The following PTCHD4 variants were observed in gnomAD, a reference collection of about 807,000 sequenced individuals.
PTCHD4 encodes patched domain-containing protein 4.
A neutral mutation model predicts 58.1 loss-of-function variants in PTCHD4; 33 were observed. The ratio of observed to expected loss-of-function variants is 0.57; its 90% CI spans 0.43 to 0.76. The LOEUF is 0.76. PTCHD4 is among the 30% of genes least tolerant of loss of function. The pLI, the probability that PTCHD4 is intolerant of heterozygous loss-of-function variation, is 0.00. For synonymous variants in PTCHD4, 478 were observed against 409.6 expected, an observed-to-expected ratio of 1.17 and a Z score of -2.02; for missense variants, 1,058 against 1,027.1, an observed-to-expected ratio of 1.03 and a Z score of -0.41.
intron 3 of PTCHD4, among the ~76,000 whole-genome samples, chr6:48,037,767 T>C (rs1175185585): frequency 2.0e-5 from 3 of 152,258 alleles, no homozygotes; most frequent in African/African-American, 7.2e-5. Context: ...TGGCACACAG[T>C]ATTCTCCAAT....
intron 1 of PTCHD4, among the ~76,000 whole-genome samples, chr6:48,082,563 C>T (rs1556358): frequency 0.42 from 63,532 of 151,962 alleles, 13,414 homozygotes; most frequent in South Asian, 0.49. Context: ...TAAGACTCTT[C>T]TATCCACATC....
chr6:47,914,720 GTCTA>G lies in PTCHD4; in HGVS notation c.899-34788_899-34785del, dbSNP rs540591497. ...TGTCTGTCTGTCTGTCTCTCTGTCTGTCTATCTATCTATTATCTATCTATTATCT... is the reference window on the plus strand; with the variant it reads ...TGTCTGTCTGTCTGTCTCTCTGTCTGTCTATCTATTATCTATCTATTATCT... On this transcript the variant is annotated intron_variant, in intron 4 of 4. Coordinates refer to ENST00000339488, the MANE Select transcript of PTCHD4 (RefSeq NM_001384253.1). Among the ~76,000 whole-genome samples the G allele has an allele frequency of 3.8e-3, 347 of 90,986 alleles. 1 individual carries two copies. Among genetic ancestry groups the G allele is most frequent in the African/African-American group, 9.3e-3 (286 of 30,662 alleles). 59.7% of individuals were successfully genotyped at this position (90,986 alleles called of 152,430 possible).
intron 3 of PTCHD4, among the ~76,000 whole-genome samples, chr6:48,056,053 A>G (rs1051834409): frequency 6.6e-6 from 1 of 152,254 alleles, no homozygotes; most frequent in African/African-American, 2.4e-5. Flanking sequence ...GATTCAGGCA[A>G]CCAGAATCAG....
chr6:47,899,587 A>T, intron 4 of PTCHD4: 5 of 983,188 alleles, frequency 5.1e-6, no homozygotes, highest in Non-Finnish European at 6.0e-6. Flanking sequence ...AGAAAAAAAG[A>T]AATGGAAAGT....
intron 4 of PTCHD4, among the ~76,000 whole-genome samples, chr6:48,004,182 T>C (rs1768856422): frequency 6.6e-6 from 1 of 152,168 alleles, no homozygotes; most frequent in Non-Finnish European, 1.5e-5. Flanking sequence ...GCTCAATAAA[T>C]CTTTGAAAAT....
At chr6:47,975,657 C>G (rs1767667312) in intron 4 of PTCHD4, among the ~76,000 whole-genome samples, 1 of 152,192 alleles carries the variant, frequency 6.6e-6, no homozygotes, top group Admixed American at 6.5e-5. Flanking sequence ...CTGCACCCAC[C>G]TGCGCCTCTT....
chr6:47,899,547 T>C (rs1477336589), intron 4 of PTCHD4: 6 of 977,084 alleles, frequency 6.1e-6, no homozygotes, highest in Non-Finnish European at 3.6e-6. Flanking sequence ...TAACTTTGCA[T>C]GTTATCCTAA....
At chr6:48,059,637 A>T (rs1272530431) in intron 3 of PTCHD4, among the ~76,000 whole-genome samples, 2 of 151,958 alleles carry the variant, frequency 1.3e-5, no homozygotes, top group Admixed American at 1.3e-4. Flanking sequence ...GACTGTCTCA[A>T]ACAAACAAAC....
intron 4 of PTCHD4, among the ~76,000 whole-genome samples, chr6:47,964,845 G>A (rs2113975568): frequency 6.6e-6 from 1 of 152,234 alleles, no homozygotes; most frequent in South Asian, 2.1e-4. Flanking sequence ...TACTACAGCA[G>A]TAAAGTTTAG....
chr6:48,092,409 C>T (rs1269685319), intron 1 of PTCHD4, among the ~76,000 whole-genome samples: 1 of 152,146 alleles, frequency 6.6e-6, no homozygotes, highest in Non-Finnish European at 1.5e-5. Context: ...GCTAGGGGAT[C>T]CATCGGCCAG....
chr6:47,947,821 T>C (rs907509109), intron 4 of PTCHD4, among the ~76,000 whole-genome samples: 3 of 152,224 alleles, frequency 2.0e-5, no homozygotes, highest in Non-Finnish European at 4.4e-5. Context: ...CATTTATAAA[T>C]TCTGGAATAG....
At chr6:48,038,204 G>GAAC (rs138515654) in intron 3 of PTCHD4, among the ~76,000 whole-genome samples, 10 of 152,086 alleles carry the variant, frequency 6.6e-5, no homozygotes, top group Non-Finnish European at 1.2e-4. Context: ...CGTGTCTCCT[G>GAAC]ACCGGGGTTA....
Position 47,868,708 on chromosome 6 carries a change from C to A in PTCHD4, c.*9595G>T, listed in dbSNP as rs1020102954. ...TTGCAAATAGGTTCCAAATGTCCAGCTTAATTTTTCTGAGTTCTTATTTCA... is the reference window on the plus strand; with the variant it reads ...TTGCAAATAGGTTCCAAATGTCCAGATTAATTTTTCTGAGTTCTTATTTCA... On this transcript the variant is annotated 3_prime_UTR_variant, in exon 5 of 5. Transcript: ENST00000339488. 5.9e-5 allele frequency among the ~76,000 whole-genome samples: 9 copies of A among 151,630 alleles called. No individual in the cohort carries two copies. Among genetic ancestry groups the A allele is most frequent in the African/African-American group, 2.2e-4 (9 of 41,366 alleles).
intron 4 of PTCHD4, among the ~76,000 whole-genome samples, chr6:47,992,876 A>G (rs1232840909): frequency 6.6e-6 from 1 of 152,202 alleles, no homozygotes; most frequent in Non-Finnish European, 1.5e-5. Flanking sequence ...ATGTATGTCA[A>G]CCTTGAAAAT....
chr6:48,060,826 C>G (rs1159477617), intron 3 of PTCHD4, among the ~76,000 whole-genome samples: 1 of 152,196 alleles, frequency 6.6e-6, no homozygotes, highest in Admixed American at 6.5e-5. Context: ...TGAGGTCTCT[C>G]CATGTTGGGA....
intron 4 of PTCHD4, among the ~76,000 whole-genome samples, chr6:47,919,756 G>T (rs1271265657): frequency 6.6e-6 from 1 of 152,096 alleles, no homozygotes; most frequent in Non-Finnish European, 1.5e-5. Context: ...TTTTCCAAAA[G>T]ACATTCTGTT....
rs1763849656 is a variant in PTCHD4, at chr6:47,876,422, TG to T, written c.*1880del. On this transcript the variant is annotated 3_prime_UTR_variant, in exon 5 of 5. Coordinates refer to ENST00000339488, the MANE Select transcript of PTCHD4 (RefSeq NM_001384253.1). ...TTTAATAAATGAAATATTACTTAAA[TG>T]TTTTCATTTTAGGGTCTGTTCCCTT... 1.3e-5 allele frequency among the ~76,000 whole-genome samples: 2 copies of T among 151,940 alleles called. No individual in the cohort carries two copies. The highest frequency in any genetic ancestry group is 4.1e-4 in the South Asian group (2 of 4,826).
chr6:48,095,386 T>C (rs1765444148), intron 1 of PTCHD4, among the ~76,000 whole-genome samples: 2 of 152,118 alleles, frequency 1.3e-5, no homozygotes, highest in Non-Finnish European at 2.9e-5. Flanking sequence ...TGATCTTCTT[T>C]TAAAAAAGAA....
intron 4 of PTCHD4, among the ~76,000 whole-genome samples, chr6:47,884,988 G>A (rs763852044): frequency 6.6e-6 from 1 of 152,108 alleles, no homozygotes; most frequent in African/African-American, 2.4e-5. Context: ...CACTGCTATA[G>A]CGAGCTGGTA....
Sources: allele counts gnomAD v4.1 joint callset (sites outside exome capture counted in the v4.1 genomes callset), GRCh38; gene constraint gnomAD v4.1.1; transcripts MANE v1.5; gene names NCBI Gene and HGNC (gene_info 2026-07-23, HGNC 2026-07-21).